Variants in NFXL1 observed in about 807,000 individuals in gnomAD.
NFXL1 encodes the protein nuclear transcription factor, X-box binding like 1.
NFXL1 carries 66 observed loss-of-function variants against 123.3 expected under a neutral mutation model. The observed-to-expected ratio is 0.54, with a 90% confidence interval of 0.44 to 0.66. The LOEUF is 0.66. Ranked by LOEUF, NFXL1 falls within the 30% of genes least tolerant of loss-of-function variation. The pLI is 0.00. For missense variants in NFXL1, 944 were observed against 1,125.6 expected, an observed-to-expected ratio of 0.84 and a Z score of 2.31; for synonymous variants, 346 against 360.8, an observed-to-expected ratio of 0.96 and a Z score of 0.46.
rs143555022 is a variant in NFXL1 at position 47,880,722 on chromosome 4, A to C, written c.1917-1605T>G. 5.5e-3 allele frequency among the ~76,000 whole-genome samples: 828 copies of C among 149,946 alleles called. 8 individuals carry two copies. The highest frequency in any genetic ancestry group is 0.019 in the African/African-American group (793 of 41,058). On this transcript the variant is annotated intron_variant, in intron 15 of 22. Coordinates refer to ENST00000507489, the MANE Select transcript of NFXL1 (RefSeq NM_001278624.2). ...TATTATATCTGTTATTGTGATCCGT[A>C]ATCAGCGATCTTTGATGTTACTATT...
chr4:47,868,802 G>A (rs555358379), intron 18 of NFXL1, among the ~76,000 whole-genome samples: 5 of 152,288 alleles, frequency 3.3e-5, no homozygotes, highest in Admixed American at 6.5e-5. Flanking sequence ...CAAGCCAAAA[G>A]TATTAAATGT....
intron 19 of NFXL1, among the ~76,000 whole-genome samples, chr4:47,857,675 T>C (rs1560580842): frequency 6.6e-6 from 1 of 152,168 alleles, no homozygotes; most frequent in Admixed American, 6.5e-5. Flanking sequence ...AAGACATACA[T>C]TGGGATGGCT....
intron 22 of NFXL1, among the ~76,000 whole-genome samples, chr4:47,850,771 C>A (rs1734071658): frequency 6.6e-6 from 1 of 151,904 alleles, no homozygotes; most frequent in African/African-American, 2.4e-5. Context: ...AGATGCCTTA[C>A]AATGGTGATG....
intron 11 of NFXL1, among the ~76,000 whole-genome samples, chr4:47,893,000 C>T (rs149028730): frequency 1.3e-5 from 2 of 152,174 alleles, no homozygotes; most frequent in African/African-American, 4.8e-5. Flanking sequence ...GAAGCATGAA[C>T]ATGCTAAGGA....
Position 47,851,877 on chromosome 4 carries a change from T to C in NFXL1, c.2487A>G (p.Glu829=), listed in dbSNP as rs1734137231. Reference sequence around the variant, plus strand: ...TTACCTCAGATGCTTTCCGCTTCATTTCCTTGCACGTTGTGTCACATTCTA... The same window carrying C: ...TTACCTCAGATGCTTTCCGCTTCATCTCCTTGCACGTTGTGTCACATTCTA... ...VSIECDTTCK[E]MKRKASEIKE... Residue 829 remains glutamate, a synonymous_variant, in exon 21 of 23, where the codon GAA becomes GAG. Transcript: ENST00000507489. 6.2e-7 allele frequency: 1 copy of C among 1,608,684 alleles called. No individual in the cohort carries two copies.
chr4:47,851,065 G>A (rs756472307), intron 22 of NFXL1, 30 bp downstream of exon 22: 1 of 1,543,724 alleles, frequency 6.5e-7, no homozygotes, highest in East Asian at 2.2e-5. Flanking sequence ...GATGCTAAGA[G>A]ACATAAATCT....
Position 47,857,460 on chromosome 4 carries a change from G to A in NFXL1, c.2317-2297C>T, listed in dbSNP as rs76740865. Among the ~76,000 whole-genome samples the A allele has an allele frequency of 9.7e-3, 1,473 of 152,232 alleles. 20 individuals carry two copies. The highest frequency in any genetic ancestry group is 0.032 in the African/African-American group (1,317 of 41,526). ...TTCACTTTAATCAGTATTCTGTTGC[G>A]CTGGGGGTTGATGAAAAGTTAAAAA... On this transcript the variant is annotated intron_variant, in intron 19 of 22. Transcript: ENST00000507489.
At position 47,893,719 on chromosome 4, in the gene NFXL1, T is replaced by A. The variant is rs373508367; in HGVS notation, c.1452+461A>T. Among the ~76,000 whole-genome samples the A allele has an allele frequency of 1.3e-4, 20 of 150,960 alleles. 1 individual carries two copies. The South Asian group carries it at 1.5e-3, about 12-fold the overall frequency. ...TCAGAATAGAAAAAAAAAAATGAAA[T>A]GTGATGGAAATGTGAATCTATACAA... On this transcript the variant is annotated intron_variant, in intron 11 of 22. Coordinates refer to ENST00000507489, the MANE Select transcript of NFXL1 (RefSeq NM_001278624.2).
intron 5 of NFXL1, among the ~76,000 whole-genome samples, chr4:47,900,582 A>G (rs1388396160): frequency 1.3e-5 from 2 of 152,256 alleles, no homozygotes; most frequent in Non-Finnish European, 2.9e-5. Context: ...TTAAACTTCC[A>G]TCATTAAAAT....
At chr4:47,858,402 C>T (rs1208184654) in intron 19 of NFXL1, among the ~76,000 whole-genome samples, 5 of 152,170 alleles carry the variant, frequency 3.3e-5, no homozygotes. Context: ...TACACTACTG[C>T]ATGCCTACAG....
chr4:47,892,065 T>C (rs188217729), intron 11 of NFXL1, among the ~76,000 whole-genome samples: 7 of 152,276 alleles, frequency 4.6e-5, no homozygotes, highest in Non-Finnish European at 8.8e-5. Flanking sequence ...AATAAGCCAA[T>C]AGACACTTCT....
chr4:47,849,419 T>G (rs1324093783), intron 22 of NFXL1, among the ~76,000 whole-genome samples: 2 of 152,158 alleles, frequency 1.3e-5, no homozygotes, highest in Non-Finnish European at 2.9e-5. Flanking sequence ...AATATATATG[T>G]ATTTAATAAT....
chr4:47,857,815 C>T (rs796684426), intron 19 of NFXL1, among the ~76,000 whole-genome samples: 7 of 152,222 alleles, frequency 4.6e-5, no homozygotes, highest in African/African-American at 1.2e-4. Context: ...TTTTCTCTCT[C>T]GGGAATCTAA....
chr4:47,877,891 C>T (rs187720579), intron 17 of NFXL1, among the ~76,000 whole-genome samples: 1 of 152,070 alleles, frequency 6.6e-6, no homozygotes, highest in South Asian at 2.1e-4. Flanking sequence ...CCCTACAGAA[C>T]GGAAGTCTAG....
chr4:47,884,560 C>G, intron 14 of NFXL1, 123 bp from the exon 15 acceptor site: 1 of 569,648 alleles, frequency 1.8e-6, no homozygotes. Flanking sequence ...TTCAAATAAT[C>G]AATAAATTGT....
chr4:47,861,729 A>G (rs1444688080), intron 19 of NFXL1, among the ~76,000 whole-genome samples: 1 of 152,202 alleles, frequency 6.6e-6, no homozygotes, highest in Admixed American at 6.5e-5. Flanking sequence ...TATTAAAACA[A>G]CCATTTATTA....
chr4:47,894,152 C>G, intron 11 of NFXL1, 28 bp downstream of exon 11: 1 of 1,557,230 alleles, frequency 6.4e-7, no homozygotes. Flanking sequence ...GTCTTTAAAT[C>G]AGAGGTTTCC....
At chr4:47,851,350 T>C (rs1734105903) in intron 21 of NFXL1, among the ~76,000 whole-genome samples, 1 of 152,120 alleles carries the variant, frequency 6.6e-6, no homozygotes, top group Admixed American at 6.6e-5. Context: ...GGATGGAGTG[T>C]TATACCTTAT....
intron 11 of NFXL1, among the ~76,000 whole-genome samples, chr4:47,892,709 T>C (rs1297920684): frequency 2.0e-5 from 3 of 152,084 alleles, no homozygotes; most frequent in African/African-American, 7.2e-5. Flanking sequence ...GAACAAACAG[T>C]TTTTGAGTAA....
Sources: allele counts gnomAD v4.1 joint callset (sites outside exome capture counted in the v4.1 genomes callset), GRCh38; gene constraint gnomAD v4.1.1; transcripts MANE v1.5; gene names NCBI Gene and HGNC (gene_info 2026-07-23, HGNC 2026-07-21).